ZNF33B: variants seen among roughly 807,000 people sequenced by gnomAD.
The protein encoded by ZNF33B is zinc finger protein 11b (KOX 2).
A neutral mutation model predicts 45.8 loss-of-function variants in ZNF33B; 29 were observed. The observed-to-expected ratio is 0.63, with a 90% CI of 0.47 to 0.86. The LOEUF (loss-of-function observed/expected upper bound fraction) is 0.86. ZNF33B is among the 40% of genes least tolerant of loss of function. ZNF33B has a pLI of 0.00. For synonymous variants in ZNF33B, 305 were observed against 307.8 expected (o/e 0.99, Z 0.10); for missense variants, 831 against 909.9 (o/e 0.91, Z 1.12).
chr10:42,638,431 G>A, intron 1 of ZNF33B, 43 bp downstream of exon 1: 2 of 344,262 alleles, frequency 5.8e-6, no homozygotes, highest in Non-Finnish European at 1.2e-5. Context: ...CTGGAGTCGC[G>A]CGGGGCCCCC....
At position 42,593,928 on chromosome 10, in the gene ZNF33B, T is replaced by C; in HGVS notation, c.1022A>G (p.Lys341Arg). 6.2e-7 allele frequency: 1 copy of C among 1,614,116 alleles called. No individual in the cohort carries two copies. Among genetic ancestry groups the C allele is most frequent in the South Asian group, 1.1e-5 (1 of 91,086 alleles). ...CCTCTGATGTCGAGTGAGATGTGAC[T>C]TCTCCCAGAAAGCTTTCCCACATTC... ...CNECGKAFWE[K>R]SHLTRHQRVH... Residue 341 changes from lysine (K) to arginine (R), a missense_variant, in exon 5 of 5, where the codon AAG becomes AGG. Transcript: ENST00000359467.
Position 42,636,936 on chromosome 10 carries a change from T to C in ZNF33B, c.-8A>G, listed in dbSNP as rs752464510. On this transcript the variant is annotated 5_prime_UTR_variant, in exon 2 of 5. Coordinates refer to ENST00000359467, the MANE Select transcript of ZNF33B (RefSeq NM_006955.3). ...ACAACTTACCTTGTTCATTTTGTTC[T>C]GTTCTTGGAAAGACGGAGACAACTC... 6 of 1,614,246 alleles carry C rather than the reference T, an allele frequency of 3.7e-6. No individual in the cohort carries two copies. Among genetic ancestry groups the C allele is most frequent in the Non-Finnish European group, 4.2e-6 (5 of 1,180,040 alleles).
intron 2 of ZNF33B, among the ~76,000 whole-genome samples, chr10:42,635,155 C>T (rs945637167): frequency 2.0e-5 from 3 of 151,966 alleles, no homozygotes; most frequent in African/African-American, 7.3e-5. Context: ...CCAGGAGAAT[C>T]CCTGGAGCCC....
intron 4 of ZNF33B, among the ~76,000 whole-genome samples, chr10:42,597,633 G>A (rs1411817661): frequency 6.6e-6 from 1 of 152,034 alleles, no homozygotes; most frequent in Non-Finnish European, 1.5e-5. Flanking sequence ...TGAGAAGGTT[G>A]ATTTTTCAGC....
chr10:42,583,944 G>T (rs1188734612), intron 1 of ZNF33B, among the ~76,000 whole-genome samples: 1 of 152,200 alleles, frequency 6.6e-6, no homozygotes, highest in Non-Finnish European at 1.5e-5. Flanking sequence ...TTCCCTGGCA[G>T]CCCCAGCCAC....
chr10:42,598,209 T>C (rs764662666), intron 4 of ZNF33B, among the ~76,000 whole-genome samples: 1 of 152,238 alleles, frequency 6.6e-6, no homozygotes, highest in Non-Finnish European at 1.5e-5. Context: ...ATGCTTTTAT[T>C]TTCTAATACT....
chr10:42,595,997 G>A (rs1267644211), intron 4 of ZNF33B, among the ~76,000 whole-genome samples: 2 of 151,974 alleles, frequency 1.3e-5, no homozygotes, highest in African/African-American at 4.8e-5. Context: ...AGAAAAAAGA[G>A]AAGAAACAAT....
chr10:42,596,568 T>C (rs1837409103), intron 4 of ZNF33B, among the ~76,000 whole-genome samples: 1 of 152,184 alleles, frequency 6.6e-6, no homozygotes, highest in Non-Finnish European at 1.5e-5. Context: ...GTCAGCAATA[T>C]TGAGCTTTCT....
chr10:42,635,934 T>C (rs1477777074), intron 2 of ZNF33B, among the ~76,000 whole-genome samples: 1 of 150,834 alleles, frequency 6.6e-6, no homozygotes, highest in Non-Finnish European at 1.5e-5. Context: ...ATCGAGATCA[T>C]CCTGGCCAAC....
chr10:42,622,966 A>G (rs1362565182), intron 4 of ZNF33B, among the ~76,000 whole-genome samples: 3 of 152,290 alleles, frequency 2.0e-5, no homozygotes, highest in Non-Finnish European at 4.4e-5. Flanking sequence ...TGGATAAGCA[A>G]CAAAAGAAAG....
At chr10:42,603,825 C>G (rs954176241) in intron 4 of ZNF33B, among the ~76,000 whole-genome samples, 72 of 152,190 alleles carry the variant, frequency 4.7e-4, no homozygotes, top group African/African-American at 1.7e-3. Flanking sequence ...CACTGCCATG[C>G]TAAAGATAGT....
intron 2 of ZNF33B, among the ~76,000 whole-genome samples, chr10:42,635,160 G>A (rs1326868755): frequency 6.6e-6 from 1 of 151,750 alleles, no homozygotes; most frequent in African/African-American, 2.4e-5. Flanking sequence ...AGAATCCCTG[G>A]AGCCCTGAAG....
In ZNF33B at chr10:42,593,183, G is replaced by C; in HGVS notation, c.1767C>G (p.Ile589Met). The part of the protein sequence containing the change: ...KPYECHECGK[I>M]FYNKSYLTKH... ...TTGTTAGGTATGATTTATTGTAAAA[G>C]ATTTTTCCACATTCATGACATTCAT... The change falls in exon 5 of 5, where the codon ATC (isoleucine) becomes ATG (methionine). Residue 589 changes from isoleucine to methionine, a missense_variant. Physicochemically the swap from Ile to Met is conservative, Grantham distance 10 (BLOSUM62 1). Coordinates refer to ENST00000359467, the MANE Select transcript of ZNF33B (RefSeq NM_006955.3). The C allele has an allele frequency of 6.2e-7, 1 of 1,613,460 alleles. No homozygotes were observed. Among genetic ancestry groups the C allele is most frequent in the Non-Finnish European group, 8.5e-7 (1 of 1,179,850 alleles).
chr10:42,631,738 T>C, intron 4 of ZNF33B, 191 bp downstream of exon 4: 2 of 564,906 alleles, frequency 3.5e-6, no homozygotes, highest in East Asian at 5.5e-5. Flanking sequence ...AAAATGATTC[T>C]AAAAGGAAAA....
chr10:42,628,770 C>A (rs761220611), intron 4 of ZNF33B, among the ~76,000 whole-genome samples: 13 of 152,134 alleles, frequency 8.5e-5, no homozygotes, highest in Non-Finnish European at 1.5e-4. Flanking sequence ...ATCATACACA[C>A]TCCCCCGCAG....
intron 4 of ZNF33B, among the ~76,000 whole-genome samples, chr10:42,624,332 T>C (rs1314118007): frequency 6.6e-6 from 1 of 152,222 alleles, no homozygotes; most frequent in Non-Finnish European, 1.5e-5. Context: ...GTTGAAGTTT[T>C]CTATTCTTTT....
chr10:42,635,855 G>A (rs1564531435), intron 2 of ZNF33B, among the ~76,000 whole-genome samples: 1 of 148,010 alleles, frequency 6.8e-6, no homozygotes, highest in Non-Finnish European at 1.5e-5. Context: ...TATTGGCCGG[G>A]CACAGTGGCT....
chr10:42,613,922 AT>A lies in ZNF33B; in HGVS notation c.250+18006del, dbSNP rs145633162. Among the ~76,000 whole-genome samples, 254 of 152,356 alleles carry A rather than the reference AT, an allele frequency of 1.7e-3. 1 individual carries two copies. Among genetic ancestry groups the A allele is most frequent in the African/African-American group, 6.0e-3 (250 of 41,590 alleles). On this transcript the variant is annotated intron_variant, in intron 4 of 4. Coordinates refer to ENST00000359467, the MANE Select transcript of ZNF33B (RefSeq NM_006955.3). Reference sequence around the variant, plus strand: ...TGGTGACTGATTTCAGAAAGGAAATATATAAGATAAGCCTGGACCATCTTGC... The same window carrying A: ...TGGTGACTGATTTCAGAAAGGAAATAATAAGATAAGCCTGGACCATCTTGC...
intron 2 of ZNF33B, among the ~76,000 whole-genome samples, chr10:42,635,430 G>A (rs879622150): frequency 1.4e-4 from 22 of 152,142 alleles, no homozygotes; most frequent in African/African-American, 4.6e-4. Flanking sequence ...TTTTTTTGAC[G>A]TATGTATTCA....
Sources: allele counts gnomAD v4.1 joint callset (sites outside exome capture counted in the v4.1 genomes callset), GRCh38; gene constraint gnomAD v4.1.1; transcripts MANE v1.5; gene names NCBI Gene and HGNC (gene_info 2026-07-23, HGNC 2026-07-21).